The following PDE10A variants were observed in gnomAD, a reference collection of about 807,000 sequenced individuals.
PDE10A encodes cAMP and cAMP-inhibited cGMP 3',5'-cyclic phosphodiesterase 10A.
In PDE10A, 39 loss-of-function variants were observed where a neutral mutation model predicts 97.7. That is an observed-to-expected ratio of 0.40 (90% confidence interval 0.31 to 0.52). The LOEUF (loss-of-function observed/expected upper bound fraction) is 0.52, where lower values mean the gene tolerates loss of function less well. Ranked by LOEUF, PDE10A falls within the 20% of genes least tolerant of loss-of-function variation. The pLI, the probability that PDE10A is intolerant of heterozygous loss-of-function variation, is 0.56. For missense variants in PDE10A, 731 were observed against 1,047.8 expected (o/e 0.70, Z 4.17); for synonymous variants, 371 against 376.8 (o/e 0.98, Z 0.18).
chr6:165,511,212 G>A (rs1781487396), intron 2 of PDE10A, among the ~76,000 whole-genome samples: 1 of 151,816 alleles, frequency 6.6e-6, no homozygotes, highest in African/African-American at 2.4e-5. Flanking sequence ...ACAGGTTTTG[G>A]TATGTTGTAT....
chr6:165,415,937 G>A (rs968287532), intron 12 of PDE10A, among the ~76,000 whole-genome samples: 1 of 152,116 alleles, frequency 6.6e-6, no homozygotes, highest in African/African-American at 2.4e-5. Flanking sequence ...TAAAACTACC[G>A]CCTATCAGTT....
rs1208768692 is a variant in PDE10A at position 165,655,329 on chromosome 6, T to C, written c.865+6618A>G. Among the ~76,000 whole-genome samples the C allele has an allele frequency of 6.6e-6, 1 of 152,124 alleles. No homozygotes were observed. The highest frequency in any genetic ancestry group is 1.5e-5 in the Non-Finnish European group (1 of 68,026). On this transcript the variant is annotated intron_variant, in intron 1 of 21. Transcript: ENST00000539869. This position sits in a 1 kb window ranked among gnomAD's most constrained non-coding sequence, Gnocchi z 4.5. ...TCCAACTGCCTTCCTAGCATATGCA[T>C]CTCAGGCTGAACACCACCAAACGCC...
In PDE10A at chr6:165,901,660, C is replaced by T. The variant is rs372027412; in HGVS notation, c.-615+85869G>A. 1.5e-4 allele frequency among the ~76,000 whole-genome samples: 23 copies of T among 152,192 alleles called. 1 individual carries two copies. The South Asian group carries it at 2.9e-3, about 19-fold the overall frequency. ...TCTACTAAAAATACAAAATTAGCCACGCATGGTGGCACATGCCTGTAATCC... is the reference window on the plus strand; with the variant it reads ...TCTACTAAAAATACAAAATTAGCCATGCATGGTGGCACATGCCTGTAATCC... On this transcript the variant is annotated intron_variant, in intron 1 of 19. Transcript: ENST00000366882.
intron 1 of PDE10A, among the ~76,000 whole-genome samples, chr6:165,588,943 C>T (rs1000508788): frequency 6.6e-6 from 1 of 152,160 alleles, no homozygotes; most frequent in African/African-American, 2.4e-5. Context: ...AATAAATATT[C>T]ATAAAAGTCT....
chr6:165,782,484 C>A (rs1053948270), intron 1 of PDE10A, among the ~76,000 whole-genome samples: 3 of 152,184 alleles, frequency 2.0e-5, no homozygotes, highest in Non-Finnish European at 4.4e-5. Flanking sequence ...GAGTGCACGG[C>A]AGTTCTGATG....
intron 21 of PDE10A, among the ~76,000 whole-genome samples, chr6:165,335,201 A>G (rs148200189): frequency 2.2e-4 from 33 of 152,376 alleles, no homozygotes; most frequent in African/African-American, 7.9e-4. Context: ...AGGGAGAAAT[A>G]ATGAATCTAG....
chr6:165,605,326 G>A lies in PDE10A; in HGVS notation c.865+56621C>T, dbSNP rs574274836. ...CAGAATGAGCCCTTCCACTCGTTCCGAATGGCCTGTGCAGTCGCATTCAGG... is the reference window on the plus strand; with the variant it reads ...CAGAATGAGCCCTTCCACTCGTTCCAAATGGCCTGTGCAGTCGCATTCAGG... On this transcript the variant is annotated intron_variant, in intron 1 of 21. Transcript: ENST00000539869. 1.2e-4 allele frequency among the ~76,000 whole-genome samples: 19 copies of A among 152,248 alleles called. No individual in the cohort carries two copies. The East Asian group carries it at 3.1e-3, about 25-fold the overall frequency.
At chr6:165,467,297 G>C (rs1426490177) in intron 3 of PDE10A, among the ~76,000 whole-genome samples, 2 of 152,214 alleles carry the variant, frequency 1.3e-5, no homozygotes, top group Non-Finnish European at 2.9e-5. Context: ...GATGAAAGTG[G>C]CTATCCTAGA....
intron 1 of PDE10A, among the ~76,000 whole-genome samples, chr6:165,903,044 A>G (rs941462834): frequency 6.6e-6 from 1 of 152,222 alleles, no homozygotes; most frequent in Admixed American, 6.5e-5. Context: ...GTCATTCCTG[A>G]CACTTTTTTC....
At position 165,450,323 on chromosome 6, in the gene PDE10A, T is replaced by C; in HGVS notation, c.1063A>G (p.Asn355Asp). Residue 355 changes from asparagine (N) to aspartate (D), a missense_variant, in exon 4 of 22, where the codon AAC becomes GAC. By Grantham distance (23) the Asn-to-Asp change is conservative. Around this residue, in one of 8 missense-constraint regions of PDE10A, gnomAD observed 152 missense variants for 199.3 expected, o/e 0.76. Transcript: ENST00000539869. Reference sequence around the variant, plus strand: ...TCCAACCGTTGTTCTATATAGCTGTTTAGTTCATATACAACTCCCTGCATA... The same window carrying C: ...TCCAACCGTTGTTCTATATAGCTGTCTAGTTCATATACAACTCCCTGCATA... ...TNMQGVVYEL[N>D]SYIEQRLDTG... 6.3e-7 allele frequency: 1 copy of C among 1,576,744 alleles called. No homozygotes were observed. Among genetic ancestry groups the C allele is most frequent in the Non-Finnish European group, 8.7e-7 (1 of 1,147,864 alleles).
intron 1 of PDE10A, among the ~76,000 whole-genome samples, chr6:165,706,686 A>G (rs1267466740): frequency 1.3e-5 from 2 of 152,234 alleles, no homozygotes; most frequent in African/African-American, 4.8e-5. Context: ...AAACTTGGAG[A>G]GTAATTTTCA....
chr6:165,421,921 G>A (rs1039482069), intron 10 of PDE10A, among the ~76,000 whole-genome samples: 13 of 152,230 alleles, frequency 8.5e-5, no homozygotes, highest in East Asian at 7.8e-4. Flanking sequence ...AATTAGCTGC[G>A]CATGGTGGCA....
Position 165,413,683 on chromosome 6 carries a change from C to T in PDE10A, c.1894G>A (p.Val632Ile). Reference protein sequence around the residue: ...AYADPRFNREVDLYTGYTTRN... With the variant: ...AYADPRFNREIDLYTGYTTRN... ...GTGGTGTAGCCTGTGTACAAGTCTA[C>T]TTCTCTGTGGGGTGACAGAACCAAA... The change falls in exon 13 of 22, where the codon GTA (valine) becomes ATA (isoleucine). Residue 632 changes from valine to isoleucine, a missense_variant. Around this residue, in one of 8 missense-constraint regions of PDE10A, gnomAD observed 108 missense variants for 199.8 expected, o/e 0.54. Coordinates refer to ENST00000539869, the MANE Select transcript of PDE10A (RefSeq NM_001385079.1). The T allele has an allele frequency of 6.2e-7, 1 of 1,611,132 alleles. No individual in the cohort carries two copies. Among genetic ancestry groups the T allele is most frequent in the Non-Finnish European group, 8.5e-7 (1 of 1,178,204 alleles).
intron 1 of PDE10A, among the ~76,000 whole-genome samples, chr6:165,749,543 T>C (rs991433761): frequency 4.4e-5 from 5 of 114,358 alleles, no homozygotes; most frequent in Non-Finnish European, 9.5e-5. Context: ...ATTTCTACAA[T>C]AAAGTTAGTA....
intron 3 of PDE10A, among the ~76,000 whole-genome samples, chr6:165,454,772 AAC>A (rs1402293624): frequency 1.3e-5 from 2 of 152,192 alleles, no homozygotes; most frequent in African/African-American, 4.8e-5. Context: ...AAACAAAGAT[AAC>A]AGTGTCCCTG....
chr6:165,941,846 C>T (rs1783533881), intron 1 of PDE10A, among the ~76,000 whole-genome samples: 1 of 152,148 alleles, frequency 6.6e-6, no homozygotes, highest in South Asian at 2.1e-4. Context: ...GGAAGAGTGG[C>T]CTAATGCACC....
chr6:165,446,531 T>C (rs913429681), intron 5 of PDE10A, among the ~76,000 whole-genome samples: 2 of 152,118 alleles, frequency 1.3e-5, no homozygotes, highest in African/African-American at 4.8e-5. Flanking sequence ...AACACAGTAA[T>C]TATCCCCAAG....
intron 1 of PDE10A, among the ~76,000 whole-genome samples, chr6:165,884,195 G>C (rs1357740924): frequency 6.6e-6 from 1 of 152,208 alleles, no homozygotes; most frequent in Non-Finnish European, 1.5e-5. Flanking sequence ...TTGTGCTTTG[G>C]GGCACACGTG....
At chr6:165,805,906 C>T (rs1030218797) in intron 1 of PDE10A, among the ~76,000 whole-genome samples, 5 of 152,098 alleles carry the variant, frequency 3.3e-5, no homozygotes, top group Non-Finnish European at 5.9e-5. Context: ...TCTCCCCGAG[C>T]CAGTTCCAAC....
Sources: allele counts gnomAD v4.1 joint callset (sites outside exome capture counted in the v4.1 genomes callset), GRCh38; gene constraint gnomAD v4.1.1; regional missense constraint gnomAD v4.1.1; non-coding constraint Gnocchi (gnomAD v3.1); transcripts MANE v1.5; gene names NCBI Gene and HGNC (gene_info 2026-07-23, HGNC 2026-07-21).